AVL9: variants seen among roughly 807,000 people sequenced by gnomAD.
AVL9 encodes the protein late secretory pathway protein AVL9 homolog.
Under a neutral mutation model 79.2 loss-of-function variants are expected in AVL9, and 49 were observed. The observed-to-expected ratio is 0.62, with a 90% CI of 0.49 to 0.79. The LOEUF (loss-of-function observed/expected upper bound fraction) is 0.79. Ranked by LOEUF, AVL9 falls within the 30% of genes least tolerant of loss-of-function variation. The pLI is 0.00. For missense variants in AVL9, 682 were observed against 776.8 expected (o/e 0.88, Z 1.45); for synonymous variants, 299 against 280.6 (o/e 1.07, Z -0.65).
At chr7:32,511,041 C>T (rs1184795667) in intron 1 of AVL9, among the ~76,000 whole-genome samples, 2 of 143,696 alleles carry the variant, frequency 1.4e-5, no homozygotes, top group East Asian at 2.1e-4. Flanking sequence ...ATTTGTGAGC[C>T]GTCAGGTCTG....
At chr7:32,550,106 A>T (rs747805104) in intron 4 of AVL9, among the ~76,000 whole-genome samples, 33 of 152,298 alleles carry the variant, frequency 2.2e-4, no homozygotes, top group Non-Finnish European at 4.0e-4. Flanking sequence ...AGAGTACCAG[A>T]TATTAAAGGA....
At position 32,587,768 on chromosome 7, in the gene AVL9, G is replaced by A. The variant is rs1190459584; in HGVS notation, c.*3861G>A. ...TTCCATGCAGCATAATGTGCCGTGA[G>A]GAGTTTTCTCATTCCAGTTCTTTGG... On this transcript the variant is annotated 3_prime_UTR_variant, in exon 16 of 16. Coordinates refer to ENST00000318709, the MANE Select transcript of AVL9 (RefSeq NM_015060.3). The A allele has an allele frequency of 6.6e-6, 1 of 152,158 alleles. No homozygotes were observed. The highest frequency in any genetic ancestry group is 1.5e-5 in the Non-Finnish European group (1 of 68,032). 9.4% of individuals were successfully genotyped at this position (152,158 alleles called of 1,614,324 possible). A position where few individuals can be genotyped will look rare whatever the true frequency, so the allele number is the denominator to read the frequency against.
At chr7:32,578,133 G>A (rs990665137) in intron 13 of AVL9, among the ~76,000 whole-genome samples, 2 of 152,194 alleles carry the variant, frequency 1.3e-5, no homozygotes, top group Admixed American at 6.5e-5. Flanking sequence ...TCAGGTTATA[G>A]TGGCAAGACA....
chr7:32,578,102 A>G (rs984087301), intron 13 of AVL9, among the ~76,000 whole-genome samples: 4 of 152,182 alleles, frequency 2.6e-5, no homozygotes, highest in African/African-American at 9.7e-5. Context: ...AGCATGGCCA[A>G]AAACAGGTTA....
intron 4 of AVL9, among the ~76,000 whole-genome samples, chr7:32,550,283 TA>T (rs1307430973): frequency 4.0e-5 from 6 of 150,244 alleles, no homozygotes; most frequent in Non-Finnish European, 7.4e-5. Flanking sequence ...GAGACATATT[TA>T]CTGTTCTCAT....
At chr7:32,538,181 A>T (rs1052691946) in intron 1 of AVL9, 1 of 152,228 alleles carries the variant, frequency 6.6e-6, no homozygotes, top group Non-Finnish European at 1.5e-5. Context: ...TTCAGATATT[A>T]ATTAAACTTC....
chr7:32,570,828 C>T (rs1430366332), intron 11 of AVL9, among the ~76,000 whole-genome samples: 1 of 149,494 alleles, frequency 6.7e-6, no homozygotes, highest in Non-Finnish European at 1.5e-5. Flanking sequence ...ACCATGTTGG[C>T]CAGGCTGGTC....
intron 1 of AVL9, chr7:32,535,450 CT>C (rs1788857699): frequency 6.6e-6 from 1 of 152,212 alleles, no homozygotes; most frequent in African/African-American, 2.4e-5. Flanking sequence ...TGCTTTAACC[CT>C]TAAAAGGAAA....
At chr7:32,562,601 TGAA>T in intron 10 of AVL9, 1 of 982,934 alleles carries the variant, frequency 1.0e-6, no homozygotes, top group Non-Finnish European at 1.2e-6. Context: ...TGCATTAAGA[TGAA>T]GCAGTCAACT....
intron 1 of AVL9, chr7:32,532,988 C>T (rs1788733241): frequency 6.6e-6 from 1 of 151,860 alleles, no homozygotes; most frequent in African/African-American, 2.4e-5. Flanking sequence ...TGCACAGCAG[C>T]TTGAGTGACA....
At chr7:32,543,314 A>G in intron 2 of AVL9, 53 bp downstream of exon 2, 1 of 1,597,582 alleles carries the variant, frequency 6.3e-7, no homozygotes. Context: ...AAAATTTGCC[A>G]AGATATCTTA....
chr7:32,562,495 A>G (rs1049008039), intron 10 of AVL9: 11 of 338,898 alleles, frequency 3.2e-5, no homozygotes, highest in Non-Finnish European at 1.3e-5. Context: ...TTCAGAATGT[A>G]TTTGAAATTT....
intron 15 of AVL9, 40 bp from the exon 16 acceptor site, chr7:32,583,752 T>A (rs763385099): frequency 7.6e-7 from 1 of 1,315,312 alleles, no homozygotes; most frequent in Admixed American, 1.9e-5. Context: ...GTAACAAAAG[T>A]TAAGACATTT....
At chr7:32,519,828 G>A (rs906801214) in intron 1 of AVL9, among the ~76,000 whole-genome samples, 1 of 152,174 alleles carries the variant, frequency 6.6e-6, no homozygotes, top group African/African-American at 2.4e-5. Flanking sequence ...TCACAGTTCT[G>A]CAGGCTGTAC....
chr7:32,581,139 C>A, intron 15 of AVL9: 1 of 458,020 alleles, frequency 2.2e-6, no homozygotes, highest in Non-Finnish European at 3.9e-6. Context: ...AAGATTCAAG[C>A]TGCACCAGAG....
At chr7:32,571,520 T>G (rs1313004851) in intron 11 of AVL9, among the ~76,000 whole-genome samples, 3 of 151,750 alleles carry the variant, frequency 2.0e-5, no homozygotes, top group Non-Finnish European at 1.5e-5. Context: ...AGAGTGAAAT[T>G]CTGTCTCAAA....
chr7:32,572,442 A>G (rs1790896821), intron 11 of AVL9, among the ~76,000 whole-genome samples: 1 of 150,610 alleles, frequency 6.6e-6, no homozygotes, highest in Non-Finnish European at 1.5e-5. Context: ...TTTTATTATT[A>G]TACTTCAAAA....
chr7:32,495,926 T>G, intron 1 of AVL9, 124 bp downstream of exon 1: 1 of 564,092 alleles, frequency 1.8e-6, no homozygotes. Flanking sequence ...CTGCGACCCT[T>G]CGCCTCTCAA....
chr7:32,503,420 T>C (rs369061217), intron 1 of AVL9, among the ~76,000 whole-genome samples: 2 of 113,748 alleles, frequency 1.8e-5, no homozygotes, highest in African/African-American at 5.7e-5. Flanking sequence ...TAGCCGGGCT[T>C]GGTGGCACGT....
Sources: allele counts gnomAD v4.1 joint callset (sites outside exome capture counted in the v4.1 genomes callset), GRCh38; gene constraint gnomAD v4.1.1; transcripts MANE v1.5; gene names NCBI Gene and HGNC (gene_info 2026-07-23, HGNC 2026-07-21).